CABIN1: variants seen among roughly 807,000 people sequenced by gnomAD.
CABIN1 encodes calcineurin-binding protein cabin-1.
In CABIN1, 133 loss-of-function variants were observed where a neutral mutation model predicts 227.7. That is an observed-to-expected ratio of 0.58 (90% CI 0.51 to 0.67). The LOEUF is 0.67. Among genes scored for constraint, CABIN1 ranks in the 30% least tolerant of loss-of-function variants. The pLI, the probability that CABIN1 is intolerant of heterozygous loss-of-function variation, is 0.00. For missense variants in CABIN1, 2,408 were observed against 2,852.5 expected (o/e 0.84, Z 3.55); for synonymous variants, 1,086 against 1,155.1 (o/e 0.94, Z 1.21).
chr22:24,071,320 G>A (rs1258368649), intron 17 of CABIN1: 4 of 494,514 alleles, frequency 8.1e-6, no homozygotes, highest in African/African-American at 1.9e-5. Flanking sequence ...ATAACCTCAC[G>A]GGGAGGCCCT....
intron 19 of CABIN1, among the ~76,000 whole-genome samples, chr22:24,077,976 A>G (rs1031477036): frequency 1.3e-5 from 2 of 152,132 alleles, no homozygotes; most frequent in Non-Finnish European, 2.9e-5. Context: ...TTCATTTTGT[A>G]GTTCCTGATT....
intron 28 of CABIN1, among the ~76,000 whole-genome samples, chr22:24,125,064 T>C (rs1162902368): frequency 6.6e-6 from 1 of 152,108 alleles, no homozygotes; most frequent in African/African-American, 2.4e-5. Context: ...CTAAGTGAAA[T>C]AGCCAGTCAC....
intron 29 of CABIN1, among the ~76,000 whole-genome samples, chr22:24,163,461 A>G (rs975126902): frequency 1.3e-5 from 2 of 152,130 alleles, no homozygotes; most frequent in African/African-American, 2.4e-5. Flanking sequence ...CCAGAATCCT[A>G]TACTGCAGCA....
chr22:24,119,215 C>T, intron 27 of CABIN1, 152 bp from the exon 28 acceptor site: 1 of 724,850 alleles, frequency 1.4e-6, no homozygotes, highest in Admixed American at 2.1e-5. Flanking sequence ...GGCCCTGTGC[C>T]TCCTGCTGCT....
intron 1 of CABIN1, among the ~76,000 whole-genome samples, chr22:24,034,615 G>T (rs752504339): frequency 5.3e-5 from 8 of 152,144 alleles, no homozygotes; most frequent in Non-Finnish European, 1.2e-4. Flanking sequence ...CTTTTGGGTA[G>T]ATACACATAG....
At chr22:24,011,612 G>A (rs1288652711) in intron 1 of CABIN1, 1 of 152,238 alleles carries the variant, frequency 6.6e-6, no homozygotes, top group East Asian at 1.9e-4. Context: ...CGGCCTCCGG[G>A]GAGGTTCCCA....
chr22:24,049,326 G>GGGGC, intron 7 of CABIN1, 106 bp downstream of exon 7: 2 of 1,390,454 alleles, frequency 1.4e-6, no homozygotes, highest in Non-Finnish European at 2.0e-6. Context: ...TGGAGCCCCT[G>GGGGC]TGCTCTGGGG....
At chr22:24,047,293 A>G (rs1174863480) in intron 6 of CABIN1, among the ~76,000 whole-genome samples, 1 of 152,182 alleles carries the variant, frequency 6.6e-6, no homozygotes, top group African/African-American at 2.4e-5. Context: ...ATGAGTAGGG[A>G]GGGATGCTGC....
At chr22:24,104,725 C>T (rs1477734603) in intron 26 of CABIN1, among the ~76,000 whole-genome samples, 2 of 152,212 alleles carry the variant, frequency 1.3e-5, no homozygotes, top group African/African-American at 4.8e-5. Context: ...TTCTGGTGGA[C>T]GTGTTCTTTT....
rs867211640 is a variant in CABIN1, at chr22:24,062,998, G to T, written c.1736G>T (p.Arg579Ile). The T allele has an allele frequency of 5.0e-6, 8 of 1,614,118 alleles. No homozygotes were observed. The African/African-American group carries it at 9.3e-5, about 19-fold the overall frequency. Residue 579 changes from arginine to isoleucine, a missense_variant, in exon 14 of 37, where the codon AGA becomes ATA. By Grantham distance (97) the Arg-to-Ile change is moderately conservative. Coordinates refer to ENST00000263119, the MANE Select transcript of CABIN1 (RefSeq NM_012295.4). ...RNCPAGMVNG[R>I]FGPDFPGTHC... is the part of the protein sequence containing the mutation. ...TGCCCTGCTGGTATGGTGAATGGCA[G>T]ATTTGGACCTGACTTCCCAGGGACC...
chr22:24,123,385 G>A (rs553668380), intron 28 of CABIN1, among the ~76,000 whole-genome samples: 143 of 152,330 alleles, frequency 9.4e-4, no homozygotes, highest in African/African-American at 3.3e-3. Flanking sequence ...CCAGGAGGCA[G>A]CTCTGCAGGT....
chr22:24,045,484 G>C (rs2037799273), intron 6 of CABIN1, among the ~76,000 whole-genome samples: 1 of 151,432 alleles, frequency 6.6e-6, no homozygotes. Flanking sequence ...AACTGGGTGG[G>C]GTGGTGCACA....
Position 24,166,656 on chromosome 22 carries a change from G to A in CABIN1, c.5025G>A (p.Gly1675=). The A allele has an allele frequency of 6.2e-7, 1 of 1,612,834 alleles. No homozygotes were observed. Among genetic ancestry groups the A allele is most frequent in the Non-Finnish European group, 8.5e-7 (1 of 1,179,974 alleles). Residue 1675 remains glycine (G), a synonymous_variant, in exon 32 of 37, where the codon GGG becomes GGA. Coordinates refer to ENST00000263119, the MANE Select transcript of CABIN1 (RefSeq NM_012295.4). ...CTTTGTAGGGGTCAGAACGCCCAGG[G>A]CCCAAGGTCTGTGGCCTCCCCGGAG... ...SELAEGSERP[G]PKVCGLPGAR...
intron 18 of CABIN1, among the ~76,000 whole-genome samples, chr22:24,073,414 A>G (rs967704395): frequency 2.0e-5 from 3 of 152,236 alleles, no homozygotes; most frequent in African/African-American, 7.2e-5. Context: ...GTAAAACAAG[A>G]AAAGTGGAAA....
chr22:24,070,277 C>G (rs2039992668), intron 16 of CABIN1, among the ~76,000 whole-genome samples: 1 of 152,254 alleles, frequency 6.6e-6, no homozygotes, highest in African/African-American at 2.4e-5. Flanking sequence ...CACATTGGCC[C>G]CATCAGGGCA....
chr22:24,024,858 CTG>C, intron 1 of CABIN1, among the ~76,000 whole-genome samples: 1 of 152,132 alleles, frequency 6.6e-6, no homozygotes, highest in Non-Finnish European at 1.5e-5. Context: ...TTTAGAATTT[CTG>C]TCTCTTTAGT....
In CABIN1 at chr22:24,136,491, G is replaced by C. The variant is rs527410492; in HGVS notation, c.4746+2076G>C. On this transcript the variant is annotated intron_variant, in intron 29 of 36. Coordinates refer to ENST00000263119, the MANE Select transcript of CABIN1 (RefSeq NM_012295.4). ...CAGCCTCACAAGTAGCTGGGACTAC[G>C]GGTCCACACTGCCACGCCCAGCTAA... Among the ~76,000 whole-genome samples, 448 of 145,116 alleles carry C rather than the reference G, an allele frequency of 3.1e-3. 1 individual carries two copies. Among genetic ancestry groups the C allele is most frequent in the African/African-American group, 0.01 (393 of 38,768 alleles).
chr22:24,073,630 G>A (rs2040243637), intron 18 of CABIN1, among the ~76,000 whole-genome samples: 1 of 152,166 alleles, frequency 6.6e-6, no homozygotes, highest in South Asian at 2.1e-4. Context: ...TCTAACACCA[G>A]GATGGTGTGG....
chr22:24,072,929 C>T (rs1336411296), intron 18 of CABIN1, among the ~76,000 whole-genome samples: 4 of 152,208 alleles, frequency 2.6e-5, no homozygotes, highest in Non-Finnish European at 5.9e-5. Flanking sequence ...AGATGTGTGA[C>T]CTTGGGCAAG....
Sources: gnomAD v4.1 joint callset for allele counts (sites outside exome capture counted in the v4.1 genomes callset) on GRCh38, gnomAD v4.1.1 for gene constraint, MANE v1.5 for transcripts, NCBI Gene and HGNC (gene_info 2026-07-23, HGNC 2026-07-21) for gene names.